Variants in CHODL observed in about 807,000 individuals in gnomAD.
CHODL encodes the protein transmembrane protein MT75.
Under a neutral mutation model 34.5 loss-of-function variants are expected in CHODL, and 29 were observed. That is an observed-to-expected ratio of 0.84 (90% CI 0.63 to 1.15). The LOEUF is 1.15. CHODL is among the 50% of genes most tolerant of loss of function. The pLI, the probability that CHODL is intolerant of heterozygous loss-of-function variation, is 0.00. For synonymous variants in CHODL, 125 were observed against 116.1 expected (o/e 1.08, Z -0.49); for missense variants, 332 against 332.5 (o/e 1.00, Z 0.01).
At chr21:17,934,245 A>C (rs78210441) in intron 1 of CHODL, among the ~76,000 whole-genome samples, 5 of 138,866 alleles carry the variant, frequency 3.6e-5, no homozygotes, top group African/African-American at 5.3e-5. Flanking sequence ...AAAAAAAAAA[A>C]ACACATTCTC....
At chr21:18,263,541 C>T (rs886976367) in intron 5 of CHODL, among the ~76,000 whole-genome samples, 5 of 151,444 alleles carry the variant, frequency 3.3e-5, no homozygotes, top group Non-Finnish European at 7.4e-5. Context: ...TCCATGTGTG[C>T]CAATTTTTTA....
Position 18,127,672 on chromosome 21 carries a change from G to GTTTTTTTTTTTTT in CHODL, c.-45+99718_-45+99730dup, listed in dbSNP as rs71318127. Among the ~76,000 whole-genome samples, 17 of 70,040 alleles carry GTTTTTTTTTTTTT rather than the reference G, an allele frequency of 2.4e-4. 2 individuals are homozygous for GTTTTTTTTTTTTT. Among genetic ancestry groups the GTTTTTTTTTTTTT allele is most frequent in the African/African-American group, 5.3e-4 (10 of 18,922 alleles). The allele number at this position is 70,040 out of a possible 152,430, so 45.9% of individuals were successfully genotyped here. On this transcript the variant is annotated intron_variant, in intron 2 of 6. Transcript: ENST00000400127. ...TTACATAACCAGTTGCGTTGCCATT[G>GTTTTTTTTTTTTT]TTTTTTTTTTTTTTTTTTTTTTTTT... is the stretch of plus-strand genomic sequence containing the variant.
intron 1 of CHODL, among the ~76,000 whole-genome samples, chr21:18,014,535 G>T (rs1490773705): frequency 2.0e-5 from 3 of 152,128 alleles, no homozygotes; most frequent in Non-Finnish European, 4.4e-5. Flanking sequence ...ATGTTGAATT[G>T]TAATCCCCAG....
intron 5 of CHODL, among the ~76,000 whole-genome samples, chr21:18,265,725 A>G (rs1160362223): frequency 6.6e-6 from 1 of 152,164 alleles, no homozygotes; most frequent in African/African-American, 2.4e-5. Flanking sequence ...CTAAATTAGG[A>G]AATGTCAAAC....
chr21:18,246,287 T>A (rs948709033), intron 1 of CHODL, among the ~76,000 whole-genome samples: 5 of 148,098 alleles, frequency 3.4e-5, no homozygotes, highest in Non-Finnish European at 6.1e-5. Flanking sequence ...GGTGAAAAGT[T>A]TTTTTAAAAC....
At chr21:18,263,096 T>C (rs975190455) in intron 5 of CHODL, among the ~76,000 whole-genome samples, 2 of 152,178 alleles carry the variant, frequency 1.3e-5, no homozygotes, top group African/African-American at 4.8e-5. Flanking sequence ...GCAGTTACCC[T>C]TCTGTTTGTA....
chr21:18,129,539 G>A (rs205696), intron 2 of CHODL, among the ~76,000 whole-genome samples: 93,508 of 152,002 alleles, frequency 0.62, 31,032 homozygotes, highest in East Asian at 0.89. Flanking sequence ...TAGACAGTGA[G>A]AGTTCTTGAG....
intron 2 of CHODL, among the ~76,000 whole-genome samples, chr21:18,105,142 G>A (rs1601009206): frequency 1.3e-5 from 2 of 152,192 alleles, no homozygotes; most frequent in African/African-American, 4.8e-5. Context: ...AAATAGTCAT[G>A]GCTATTTCAT....
At chr21:18,121,704 T>C (rs1245542473) in intron 2 of CHODL, among the ~76,000 whole-genome samples, 1 of 152,144 alleles carries the variant, frequency 6.6e-6, no homozygotes, top group Non-Finnish European at 1.5e-5. Flanking sequence ...ATGCTTAAAG[T>C]TGTACAATCC....
At chr21:17,971,170 T>A (rs1387372064) in intron 1 of CHODL, among the ~76,000 whole-genome samples, 1 of 152,216 alleles carries the variant, frequency 6.6e-6, no homozygotes, top group South Asian at 2.1e-4. Context: ...TCTTTGCTCT[T>A]ATGAACAGTG....
Position 18,081,743 on chromosome 21 carries a change from G to A in CHODL, c.-45+53772G>A, listed in dbSNP as rs181570049. Reference sequence around the variant, plus strand: ...ATCTTCTCTTGTTCCAGTTCTTAGAGGGAATGCTTTTAACTTTTCTCGTTA... The same window carrying A: ...ATCTTCTCTTGTTCCAGTTCTTAGAAGGAATGCTTTTAACTTTTCTCGTTA... On this transcript the variant is annotated intron_variant, in intron 2 of 6. Coordinates refer to the CHODL transcript ENST00000400127. Among the ~76,000 whole-genome samples, 10 of 151,922 alleles carry A rather than the reference G, an allele frequency of 6.6e-5. No homozygotes were observed. The East Asian group carries it at 1.9e-3, about 29-fold the overall frequency.
At chr21:18,038,406 T>C (rs528105243) in intron 2 of CHODL, among the ~76,000 whole-genome samples, 1 of 151,778 alleles carries the variant, frequency 6.6e-6, no homozygotes, top group Admixed American at 6.6e-5. Context: ...ATGAAAGACA[T>C]TGATTATGAA....
rs552840901 is a variant in CHODL, at chr21:17,929,708, G to A, written c.-145+12308G>A. Among the ~76,000 whole-genome samples, 3 of 152,250 alleles carry A rather than the reference G, an allele frequency of 2.0e-5. No individual in the cohort carries two copies. In the East Asian group the frequency reaches 5.8e-4, roughly 29 times the overall value. Reference sequence around the variant, plus strand: ...CCCGGGGCCTCCAGTCTAACACAGGGAACTTGCCCGGAGATTGCGCAGAGG... The same window carrying A: ...CCCGGGGCCTCCAGTCTAACACAGGAAACTTGCCCGGAGATTGCGCAGAGG... On this transcript the variant is annotated intron_variant, in intron 1 of 6. Transcript: ENST00000400127.
chr21:18,136,847 C>G (rs1735281), intron 2 of CHODL, among the ~76,000 whole-genome samples: 11,984 of 148,952 alleles, frequency 0.08, 1,521 homozygotes, highest in African/African-American at 0.27. Context: ...TTGTTAGGAG[C>G]CATATTATAT....
intron 2 of CHODL, among the ~76,000 whole-genome samples, chr21:18,038,701 C>T (rs1341194241): frequency 2.0e-5 from 3 of 151,630 alleles, no homozygotes; most frequent in African/African-American, 7.2e-5. Context: ...TTACTAAACA[C>T]ATACTTCAGA....
At chr21:18,033,429 C>G (rs2064271208) in intron 2 of CHODL, among the ~76,000 whole-genome samples, 1 of 151,956 alleles carries the variant, frequency 6.6e-6, no homozygotes, top group East Asian at 1.9e-4. Flanking sequence ...ATTTATTATT[C>G]TCTTCAGGTG....
rs190253285 is a variant in CHODL, at chr21:18,158,468, C to G, written c.-44-98041C>G. Among the ~76,000 whole-genome samples the G allele has an allele frequency of 3.2e-3, 490 of 152,282 alleles. 2 individuals are homozygous for G. The highest frequency in any genetic ancestry group is 0.017 in the Middle Eastern group (5 of 294). ...AGACCTTCATGTTAATTAGCACCTGCATCTTCCATTTACATTTTCTATTCA... is the reference window on the plus strand; with the variant it reads ...AGACCTTCATGTTAATTAGCACCTGGATCTTCCATTTACATTTTCTATTCA... On this transcript the variant is annotated intron_variant, in intron 2 of 6. Coordinates refer to the CHODL transcript ENST00000400127.
intron 2 of CHODL, among the ~76,000 whole-genome samples, chr21:18,030,746 A>G (rs895525498): frequency 1.1e-4 from 16 of 152,296 alleles, no homozygotes; most frequent in Non-Finnish European, 1.8e-4. Flanking sequence ...TATTGTATTC[A>G]ATAAGAAAAC....
chr21:18,259,852 T>C (rs73318258), intron 3 of CHODL, among the ~76,000 whole-genome samples: 3,438 of 152,298 alleles, frequency 0.023, 121 homozygotes, highest in African/African-American at 0.076. Flanking sequence ...TATCACACTC[T>C]TACGTTTGCC....
Sources: allele counts gnomAD v4.1 joint callset (sites outside exome capture counted in the v4.1 genomes callset), GRCh38; gene constraint gnomAD v4.1.1; transcripts MANE v1.5; gene names NCBI Gene and HGNC (gene_info 2026-07-23, HGNC 2026-07-21).